Variants in TAFA5 observed in about 807,000 individuals in gnomAD.
The protein encoded by TAFA5 is chemokine-like protein TAFA-5.
TAFA5 carries 6 observed loss-of-function variants against 15.3 expected under a neutral mutation model. The observed-to-expected ratio is 0.39, with a 90% CI of 0.21 to 0.77. TAFA5 has a LOEUF of 0.77. Among genes scored for constraint, TAFA5 ranks in the 30% least tolerant of loss-of-function variants. The pLI is 0.41. For missense variants in TAFA5, 161 were observed against 193.1 expected (o/e 0.83, Z 0.98); for synonymous variants, 103 against 80.7 (o/e 1.28, Z -1.48).
intron 3 of TAFA5, among the ~76,000 whole-genome samples, chr22:48,711,409 C>T (rs1054061191): frequency 2.0e-5 from 3 of 151,864 alleles, no homozygotes; most frequent in East Asian, 3.9e-4. Flanking sequence ...TCCAGGGGAC[C>T]GGGGTGGGCC....
At chr22:48,615,318 C>T (rs552253851) in intron 1 of TAFA5, among the ~76,000 whole-genome samples, 7 of 152,312 alleles carry the variant, frequency 4.6e-5, no homozygotes, top group Non-Finnish European at 1.0e-4. Flanking sequence ...GCCGGCGGCT[C>T]GGTCCGACGA....
chr22:48,499,540 T>TCTGGTCC (rs2147094998), intron 1 of TAFA5, among the ~76,000 whole-genome samples: 1 of 152,314 alleles, frequency 6.6e-6, no homozygotes, highest in South Asian at 2.1e-4. Flanking sequence ...CTCCCCTGAC[T>TCTGGTCC]CTGGTCCCTG....
intron 1 of TAFA5, among the ~76,000 whole-genome samples, chr22:48,527,239 C>G (rs564058673): frequency 1.3e-5 from 2 of 152,362 alleles, no homozygotes; most frequent in African/African-American, 4.8e-5. Context: ...CTGGCCGTCA[C>G]TTCCTCCTCT....
intron 2 of TAFA5, among the ~76,000 whole-genome samples, chr22:48,700,467 C>A (rs756934473): frequency 6.6e-6 from 1 of 152,158 alleles, no homozygotes; most frequent in Admixed American, 6.5e-5. Flanking sequence ...AAAGAACGGT[C>A]TCAGGATCCA....
intron 3 of TAFA5, among the ~76,000 whole-genome samples, chr22:48,743,111 G>T (rs2147275272): frequency 6.6e-6 from 1 of 152,314 alleles, no homozygotes; most frequent in South Asian, 2.1e-4. Flanking sequence ...CATGAAACCC[G>T]TTCTCACTGT....
At chr22:48,592,455 T>C (rs1255886148) in intron 1 of TAFA5, among the ~76,000 whole-genome samples, 1 of 152,236 alleles carries the variant, frequency 6.6e-6, no homozygotes, top group Non-Finnish European at 1.5e-5. Context: ...CTTGGGACGT[T>C]GCACTCAGCT....
rs1419121261 is a variant in TAFA5 at position 48,672,788 on chromosome 22, G to C, written c.262+26042G>C. On this transcript the variant is annotated intron_variant, in intron 2 of 3. Transcript: ENST00000402357. ...TCAGATTTAGCTCAGGGAATTTTAT[G>C]TATCTGTGATTATTTCTTTTCCTCC... Among the ~76,000 whole-genome samples the C allele has an allele frequency of 4.6e-5, 7 of 152,182 alleles. No individual in the cohort carries two copies. In the South Asian group the frequency reaches 1.4e-3, roughly 32 times the overall value.
At chr22:48,705,419 G>A (rs115316793) in intron 2 of TAFA5, among the ~76,000 whole-genome samples, 220 of 152,270 alleles carry the variant, frequency 1.4e-3, no homozygotes, top group African/African-American at 5.0e-3. Context: ...ATTCTGCCTG[G>A]GATGCTGTCC....
intron 1 of TAFA5, among the ~76,000 whole-genome samples, chr22:48,570,972 C>A (rs561400321): frequency 6.6e-6 from 1 of 152,282 alleles, no homozygotes; most frequent in South Asian, 2.1e-4. Context: ...GTCAAATGTG[C>A]TAAATTTTCC....
At chr22:48,562,571 G>C (rs1389876633) in intron 1 of TAFA5, among the ~76,000 whole-genome samples, 1 of 151,876 alleles carries the variant, frequency 6.6e-6, no homozygotes, top group Non-Finnish European at 1.5e-5. Flanking sequence ...ACCAGGGTGA[G>C]CATCTAGGGA....
chr22:48,611,815 C>T (rs185249629), intron 1 of TAFA5, among the ~76,000 whole-genome samples: 2 of 152,294 alleles, frequency 1.3e-5, no homozygotes, highest in African/African-American at 4.8e-5. Flanking sequence ...TGTTCCAGGC[C>T]TCCGGATGGG....
At chr22:48,538,059 G>A (rs550065289) in intron 1 of TAFA5, among the ~76,000 whole-genome samples, 2 of 152,358 alleles carry the variant, frequency 1.3e-5, no homozygotes, top group East Asian at 1.9e-4. Flanking sequence ...TGGATGCTCC[G>A]GGTTTTAGGC....
intron 1 of TAFA5, among the ~76,000 whole-genome samples, chr22:48,592,506 C>G (rs190456355): frequency 1.3e-5 from 2 of 152,336 alleles, no homozygotes; most frequent in African/African-American, 4.8e-5. Flanking sequence ...GGGTCCAGGT[C>G]TCTTCCCCCT....
chr22:48,589,644 G>C (rs1412086663), intron 1 of TAFA5, among the ~76,000 whole-genome samples: 1 of 152,196 alleles, frequency 6.6e-6, no homozygotes, highest in Non-Finnish European at 1.5e-5. Flanking sequence ...GGTGCCTTAG[G>C]TTAGGATGCA....
Position 48,489,868 on chromosome 22 carries a change from G to A in TAFA5, c.112+164G>A, listed in dbSNP as rs1928080215. On this transcript the variant is annotated intron_variant, in intron 1 of 3. Coordinates refer to ENST00000402357, the MANE Select transcript of TAFA5 (RefSeq NM_001082967.3). This position sits in a 1 kb window ranked among gnomAD's most constrained non-coding sequence, Gnocchi z 5.5. ...GCCGGTCCAACGCTGCGCTGGGCGG[G>A]CGAGAGGGTCCACCCGGGTTCCGGG... Among the ~76,000 whole-genome samples, 1 of 151,796 alleles carries A rather than the reference G, an allele frequency of 6.6e-6. No individual in the cohort carries two copies. Among genetic ancestry groups the A allele is most frequent in the African/African-American group, 2.4e-5 (1 of 41,386 alleles).
intron 1 of TAFA5, among the ~76,000 whole-genome samples, chr22:48,596,242 G>A (rs1227631442): frequency 2.0e-5 from 3 of 152,218 alleles, no homozygotes; most frequent in Admixed American, 6.5e-5. Flanking sequence ...TTGAAGAGAC[G>A]CGGCCTTCTG....
intron 1 of TAFA5, among the ~76,000 whole-genome samples, chr22:48,571,576 T>TTG (rs1923589320): frequency 9.8e-6 from 1 of 101,960 alleles, no homozygotes; most frequent in Non-Finnish European, 1.7e-5. Flanking sequence ...CCTGGCCTGT[T>TTG]TTTTTTTTTT....
intron 2 of TAFA5, chr22:48,693,374 A>T: frequency 6.2e-7 from 1 of 1,612,642 alleles, no homozygotes; most frequent in South Asian, 1.1e-5. Flanking sequence ...ACCACCGGGA[A>T]TGGCCAGGTG....
intron 3 of TAFA5, among the ~76,000 whole-genome samples, chr22:48,746,311 G>A (rs1478920168): frequency 6.6e-6 from 1 of 152,072 alleles, no homozygotes; most frequent in East Asian, 1.9e-4. Context: ...CCAGTCACCC[G>A]TCACTCTCAT....
Sources: allele counts gnomAD v4.1 joint callset (sites outside exome capture counted in the v4.1 genomes callset), GRCh38; gene constraint gnomAD v4.1.1; non-coding constraint Gnocchi (gnomAD v3.1); transcripts MANE v1.5; gene names NCBI Gene and HGNC (gene_info 2026-07-23, HGNC 2026-07-21).